Variants in RFX3 observed in about 807,000 individuals in gnomAD.
RFX3 encodes transcription factor RFX3.
Under a neutral mutation model 98.6 loss-of-function variants are expected in RFX3, and 14 were observed. The observed-to-expected ratio is 0.14, with a 90% CI of 0.09 to 0.22. The LOEUF is 0.22. Ranked by LOEUF, RFX3 falls within the 10% of genes least tolerant of loss-of-function variation. The pLI is 1.00. For missense variants in RFX3, 639 were observed against 926.9 expected, an observed-to-expected ratio of 0.69 and a Z score of 4.03; for synonymous variants, 383 against 328.4, an observed-to-expected ratio of 1.17 and a Z score of -1.80.
intron 1 of RFX3, among the ~76,000 whole-genome samples, chr9:3,494,964 G>A (rs1408552201): frequency 2.6e-5 from 4 of 151,986 alleles, no homozygotes; most frequent in African/African-American, 9.7e-5. Flanking sequence ...TACCAATAGT[G>A]AGAGTCTGGA....
At chr9:3,489,648 G>C (rs1049335984) in intron 1 of RFX3, among the ~76,000 whole-genome samples, 1 of 152,070 alleles carries the variant, frequency 6.6e-6, no homozygotes, top group East Asian at 1.9e-4. Context: ...TTAATGTTTA[G>C]TCTATGAAAC....
intron 11 of RFX3, among the ~76,000 whole-genome samples, chr9:3,268,484 T>C (rs191984336): frequency 1.8e-3 from 267 of 151,680 alleles, no homozygotes; most frequent in Middle Eastern, 6.8e-3. Context: ...AAGCAGAAGA[T>C]AGCTATCTAA....
chr9:3,362,224 A>C (rs970707615), intron 2 of RFX3, among the ~76,000 whole-genome samples: 1 of 152,246 alleles, frequency 6.6e-6, no homozygotes, highest in Non-Finnish European at 1.5e-5. Flanking sequence ...TTCAATGTTA[A>C]TTACAAAGTT....
At chr9:3,424,321 G>A (rs991239241) in intron 1 of RFX3, among the ~76,000 whole-genome samples, 4 of 142,676 alleles carry the variant, frequency 2.8e-5, no homozygotes, top group African/African-American at 1.0e-4. Flanking sequence ...AATAGCAACA[G>A]TAGAGTCACT....
At chr9:3,340,546 C>A (rs546673366) in intron 3 of RFX3, among the ~76,000 whole-genome samples, 343 of 152,148 alleles carry the variant, frequency 2.3e-3, no homozygotes, top group Middle Eastern at 0.01. Context: ...TGAACTCAAA[C>A]AAATTTACAA....
chr9:3,369,881 G>C (rs754886448), intron 2 of RFX3, among the ~76,000 whole-genome samples: 2 of 152,098 alleles, frequency 1.3e-5, no homozygotes, highest in South Asian at 2.1e-4. Flanking sequence ...CCAGGCTGGA[G>C]TGCGGTGGCG....
chr9:3,346,020 A>G (rs1295073949), intron 3 of RFX3, among the ~76,000 whole-genome samples: 2 of 152,142 alleles, frequency 1.3e-5, no homozygotes, highest in Admixed American at 6.6e-5. Flanking sequence ...AAAAAACCCA[A>G]TTTGGAAACA....
intron 15 of RFX3, chr9:3,246,940 T>G (rs1210075525): frequency 1.9e-6 from 1 of 525,854 alleles, no homozygotes; most frequent in Non-Finnish European, 2.4e-6. Flanking sequence ...TGACATGCAT[T>G]TTATTTATAC....
intron 1 of RFX3, among the ~76,000 whole-genome samples, chr9:3,447,399 A>G (rs1001097165): frequency 6.6e-6 from 1 of 152,192 alleles, no homozygotes; most frequent in African/African-American, 2.4e-5. Context: ...CAGCAATGCA[A>G]AAGTTGAGAA....
At chr9:3,395,189 G>A (rs1840730967) in intron 2 of RFX3, among the ~76,000 whole-genome samples, 1 of 152,188 alleles carries the variant, frequency 6.6e-6, no homozygotes, top group Non-Finnish European at 1.5e-5. Flanking sequence ...AAAACTTTGA[G>A]TGGTCATATC....
At chr9:3,504,944 A>ATATTAT (rs1564185928) in intron 1 of RFX3, among the ~76,000 whole-genome samples, 4 of 59,332 alleles carry the variant, frequency 6.7e-5, no homozygotes, top group African/African-American at 4.0e-4. Flanking sequence ...TAATATATAT[A>ATATTAT]ATATAATATA....
chr9:3,234,268 C>T (rs1818847072), intron 15 of RFX3, among the ~76,000 whole-genome samples: 1 of 152,196 alleles, frequency 6.6e-6, no homozygotes, highest in Non-Finnish European at 1.5e-5. Flanking sequence ...CACAGTTATT[C>T]AACCCTACCA....
chr9:3,292,433 T>A (rs553522346), intron 6 of RFX3, among the ~76,000 whole-genome samples: 1 of 152,054 alleles, frequency 6.6e-6, no homozygotes. Flanking sequence ...CTATACTATG[T>A]TTTTCCTTCC....
chr9:3,325,292 A>G (rs1247802975), intron 4 of RFX3, among the ~76,000 whole-genome samples: 1 of 152,158 alleles, frequency 6.6e-6, no homozygotes, highest in East Asian at 1.9e-4. Flanking sequence ...AAAAGCACTC[A>G]TAATTCTTAA....
At chr9:3,283,602 A>C (rs1586872942) in intron 7 of RFX3, among the ~76,000 whole-genome samples, 1 of 151,778 alleles carries the variant, frequency 6.6e-6, no homozygotes, top group Non-Finnish European at 1.5e-5. Context: ...AAGAACGTGC[A>C]TGCTTTTACA....
chr9:3,376,240 T>C (rs1024198767), intron 2 of RFX3, among the ~76,000 whole-genome samples: 5 of 152,180 alleles, frequency 3.3e-5, no homozygotes, highest in African/African-American at 1.2e-4. Flanking sequence ...CTGGTGGGAA[T>C]ATAAAATAGT....
At chr9:3,493,513 T>A (rs541388025) in intron 1 of RFX3, among the ~76,000 whole-genome samples, 2 of 151,642 alleles carry the variant, frequency 1.3e-5, no homozygotes, top group African/African-American at 2.4e-5. Flanking sequence ...TGAAACCCCA[T>A]CTCTACTAAA....
At chr9:3,289,099 A>G (rs2131591997) in intron 6 of RFX3, among the ~76,000 whole-genome samples, 1 of 152,274 alleles carries the variant, frequency 6.6e-6, no homozygotes, top group African/African-American at 2.4e-5. Flanking sequence ...AATTATTGCA[A>G]AGAGAAAATA....
At chr9:3,418,492 A>G (rs1587600640) in intron 1 of RFX3, among the ~76,000 whole-genome samples, 1 of 151,826 alleles carries the variant, frequency 6.6e-6, no homozygotes, top group Non-Finnish European at 1.5e-5. Context: ...CAATTCTCCT[A>G]CCTCAGCCTC....
Sources: allele counts gnomAD v4.1 joint callset (sites outside exome capture counted in the v4.1 genomes callset), GRCh38; gene constraint gnomAD v4.1.1; transcripts MANE v1.5; gene names NCBI Gene and HGNC (gene_info 2026-07-23, HGNC 2026-07-21).